Variants in MAP7D3 observed in about 807,000 individuals in gnomAD.
The protein encoded by MAP7D3 is MAP7 domain containing 3.
MAP7D3 carries 45 observed loss-of-function variants against 62.2 expected under a neutral mutation model. That is an observed-to-expected ratio of 0.72 (90% CI 0.57 to 0.93). The LOEUF (loss-of-function observed/expected upper bound fraction) is 0.93, where lower values mean the gene tolerates loss of function less well. Among genes scored for constraint, MAP7D3 ranks in the 40% least tolerant of loss-of-function variants. The probability of loss-of-function intolerance (pLI) is 0.00; values close to 1 mark genes in which losing one functional copy is unlikely to be tolerated. For synonymous variants in MAP7D3, 288 were observed against 248.8 expected, an observed-to-expected ratio of 1.16 and a Z score of -1.48; for missense variants, 711 against 683.1, an observed-to-expected ratio of 1.04 and a Z score of -0.45.
intron 14 of MAP7D3, among the ~76,000 whole-genome samples, chrX:136,224,589 C>T (rs5929741): frequency 0.48 from 51,876 of 108,945 alleles, 9,383 homozygotes; most frequent in East Asian, 0.71. Context: ...TTTAAAGAAC[C>T]ACAATGAGAC....
upstream of MAP7D3, among the ~76,000 whole-genome samples, chrX:136,253,190 A>G (rs2074532269): frequency 8.9e-6 from 1 of 112,528 alleles, no homozygotes; most frequent in South Asian, 3.7e-4. Flanking sequence ...AATGCTTTGC[A>G]TGATATCCAG....
In MAP7D3 at chrX:136,251,329, AGCGCCAGCTGCGGCGCCGTCC is replaced by A. The variant is rs1227771548; in HGVS notation, c.9_29del (p.Asp4_Ala10del). Reference sequence around the variant, plus strand: ...GCTCTCTCAAGGATGGGCTGCCGCCAGCGCCAGCTGCGGCGCCGTCCGCCATCATCGGAGTCGGGACCGGAG... The same window carrying A: ...GCTCTCTCAAGGATGGGCTGCCGCCAGCCATCATCGGAGTCGGGACCGGAG... On this transcript the variant is annotated inframe_deletion, in exon 1 of 19. Transcript: ENST00000316077. The A allele has an allele frequency of 2.7e-6, 3 of 1,124,586 alleles. No homozygotes were observed. Among genetic ancestry groups the A allele is most frequent in the Middle Eastern group, 3.0e-4 (1 of 3,361 alleles). The allele number at this position is 1,124,586 out of a possible 1,213,427, so 92.7% of individuals were successfully genotyped here.
rs971638281 is a variant in MAP7D3 at position 136,228,486 on chromosome X, A to T, written c.1886+137T>A. ...GGCTTGAAATGCTTCCTATGCAGGCAATGAGGCACTTCTGATCCTCACTGA... is the reference window on the plus strand; with the variant it reads ...GGCTTGAAATGCTTCCTATGCAGGCTATGAGGCACTTCTGATCCTCACTGA... On this transcript the variant is annotated intron_variant, in intron 11 of 18. Transcript: ENST00000316077. 2.3e-5 allele frequency: 13 copies of T among 577,420 alleles called. No homozygotes were observed. The Admixed American group carries it at 4.2e-4, about 19-fold the overall frequency. 47.6% of individuals were successfully genotyped at this position (577,420 alleles called of 1,213,427 possible).
At chrX:136,216,240 C>T (rs6635246), downstream of MAP7D3, among the ~76,000 whole-genome samples, 1 of 106,740 alleles carries the variant, frequency 9.4e-6, no homozygotes, top group Non-Finnish European at 1.9e-5. Context: ...AAACTCACAT[C>T]TAGGCTGGGT....
At chrX:136,251,048 G>A (rs1255870004) in intron 1 of MAP7D3, among the ~76,000 whole-genome samples, 1 of 112,444 alleles carries the variant, frequency 8.9e-6, no homozygotes, top group Non-Finnish European at 1.9e-5. Flanking sequence ...GCGGCAGTTC[G>A]ACCGTTGGCG....
intron 11 of MAP7D3, 110 bp from the exon 12 acceptor site, chrX:136,227,541 T>A (rs1196008002): frequency 2.1e-6 from 1 of 483,630 alleles, no homozygotes; most frequent in East Asian, 3.8e-5. Flanking sequence ...ATAATTTATA[T>A]CCACACCAGA....
At position 136,229,978 on chromosome X, in the gene MAP7D3, T is replaced by C. The variant is rs1183053300; in HGVS notation, c.1750+407A>G. Among the ~76,000 whole-genome samples the C allele has an allele frequency of 6.4e-5, 4 of 62,627 alleles. 1 individual carries two copies. Among genetic ancestry groups the C allele is most frequent in the African/African-American group, 2.0e-4 (3 of 15,209 alleles). The allele number at this position is 62,627 out of a possible 115,157, so 54.4% of individuals were successfully genotyped here. On this transcript the variant is annotated intron_variant, in intron 10 of 18. Coordinates refer to ENST00000316077, the MANE Select transcript of MAP7D3 (RefSeq NM_024597.4). ...TTTTGTGTGTGTATATATATATATATATATATATATATATATTTTTTTTTT... is the reference window on the plus strand; with the variant it reads ...TTTTGTGTGTGTATATATATATATACATATATATATATATATTTTTTTTTT...
chrX:136,254,329 C>T (rs922979580), upstream of MAP7D3, among the ~76,000 whole-genome samples: 25 of 110,824 alleles, frequency 2.3e-4, no homozygotes, highest in Non-Finnish European at 4.0e-4. Flanking sequence ...AAGTGATTCA[C>T]CCTCCTTGGC....
rs1431233658 is a variant in MAP7D3, at chrX:136,228,630, G to T, written c.1879C>A (p.Gln627Lys). 1 of 1,205,729 alleles carries T rather than the reference G, an allele frequency of 8.3e-7. No individual in the cohort carries two copies. Among genetic ancestry groups the T allele is most frequent in the Non-Finnish European group, 1.1e-6 (1 of 892,639 alleles). The change falls in exon 11 of 19, where the codon CAG (glutamine) becomes AAG (lysine). Residue 627 changes from glutamine (Q) to lysine (K), a missense_variant. Transcript: ENST00000316077. ...GGAAGACTTTGTGCTGACCTTTGCT[G>T]CATTTCTTCCCGTTGTCTTTCTTCT... ...EEEERQREEM[Q>K]QRVIKKSKDM...
intron 7 of MAP7D3, among the ~76,000 whole-genome samples, chrX:136,234,241 G>C (rs1026239401): frequency 2.7e-5 from 3 of 110,190 alleles, no homozygotes; most frequent in Non-Finnish European, 3.8e-5. Context: ...TACTGGGTGG[G>C]GGGGGTGGTC....
At chrX:136,250,099 T>C in intron 1 of MAP7D3, among the ~76,000 whole-genome samples, 1 of 111,847 alleles carries the variant, frequency 8.9e-6, no homozygotes, top group Non-Finnish European at 1.9e-5. Flanking sequence ...AGACTGTCTT[T>C]CTAGGTGAAC....
intron 16 of MAP7D3, among the ~76,000 whole-genome samples, chrX:136,220,025 C>T (rs2074105790): frequency 8.9e-6 from 1 of 112,308 alleles, no homozygotes; most frequent in Non-Finnish European, 1.9e-5. Flanking sequence ...CACATCATCA[C>T]ACCTCTCAGC....
chrX:136,230,480 T>C lies in MAP7D3; in HGVS notation c.1655A>G (p.Gln552Arg), dbSNP rs1482407083. The change falls in exon 10 of 19, where the codon CAA becomes CGA. Residue 552 changes from glutamine (Q) to arginine (R), a missense_variant. Coordinates refer to ENST00000316077, the MANE Select transcript of MAP7D3 (RefSeq NM_024597.4). ...IMPIQHTLSV[Q>R]SASSTVKKKK... Reference sequence around the variant, plus strand: ...CTTTTTGACAGTACTTGATGCACTTTGCACAGACAGGGTGTGTTGAATAGG... The same window carrying C: ...CTTTTTGACAGTACTTGATGCACTTCGCACAGACAGGGTGTGTTGAATAGG... 8.4e-7 allele frequency: 1 copy of C among 1,189,744 alleles called. No homozygotes were observed. Among genetic ancestry groups the C allele is most frequent in the Non-Finnish European group, 1.1e-6 (1 of 875,376 alleles).
upstream of MAP7D3, among the ~76,000 whole-genome samples, chrX:136,254,924 C>A (rs758117463): frequency 9.2e-5 from 10 of 108,715 alleles, no homozygotes; most frequent in Non-Finnish European, 5.7e-5. Context: ...AACAAACAAA[C>A]AAAAAAAACG....
chrX:136,231,019 C>T, intron 8 of MAP7D3, 53 bp from the exon 9 acceptor site: 1 of 945,961 alleles, frequency 1.1e-6, no homozygotes, highest in Non-Finnish European at 1.4e-6. Flanking sequence ...TCTTTTACTG[C>T]AGCTGGCTTT....
chrX:136,248,225 T>C (rs1261829593), intron 1 of MAP7D3, among the ~76,000 whole-genome samples: 1 of 112,154 alleles, frequency 8.9e-6, no homozygotes, highest in Middle Eastern at 4.6e-3. Context: ...AAAAATCTTA[T>C]TAAACAGAAA....
intron 10 of MAP7D3, among the ~76,000 whole-genome samples, chrX:136,229,993 A>ATATATATATATTTT (rs1210531192): frequency 2.1e-5 from 1 of 48,126 alleles, no homozygotes; most frequent in African/African-American, 9.4e-5. Context: ...ATATATATAT[A>ATATATATATATTTT]TTTTTTTTTT....
intron 15 of MAP7D3, among the ~76,000 whole-genome samples, chrX:136,221,279 CT>C (rs922940557): frequency 5.3e-5 from 6 of 112,189 alleles, no homozygotes; most frequent in African/African-American, 1.9e-4. Flanking sequence ...CACCCCTCCC[CT>C]GATCACTCAC....
intron 4 of MAP7D3, among the ~76,000 whole-genome samples, chrX:136,244,073 G>A (rs2074420123): frequency 9.0e-6 from 1 of 111,413 alleles, no homozygotes; most frequent in Non-Finnish European, 1.9e-5. Context: ...ATCCAGAGGG[G>A]CCCTGTCAGG....
Sources: gnomAD v4.1 joint callset for allele counts (sites outside exome capture counted in the v4.1 genomes callset) on GRCh38, gnomAD v4.1.1 for gene constraint, MANE v1.5 for transcripts, NCBI Gene and HGNC (gene_info 2026-07-23, HGNC 2026-07-21) for gene names.